LRRC49: variants seen among roughly 807,000 people sequenced by gnomAD.
LRRC49 encodes leucine-rich repeat-containing protein 49.
In LRRC49, 50 loss-of-function variants were observed where a neutral mutation model predicts 83.3. The ratio of observed to expected loss-of-function variants is 0.60; its 90% CI spans 0.48 to 0.76. LRRC49 has a LOEUF of 0.76. Ranked by LOEUF, LRRC49 falls within the 30% of genes least tolerant of loss-of-function variation. The pLI is 0.00. For missense variants in LRRC49, 704 were observed against 809.1 expected (o/e 0.87, Z 1.58); for synonymous variants, 286 against 283.3 (o/e 1.01, Z -0.10).
At chr15:70,998,316 T>G (rs1177535172) in intron 11 of LRRC49, among the ~76,000 whole-genome samples, 1 of 152,190 alleles carries the variant, frequency 6.6e-6, no homozygotes, top group Admixed American at 6.5e-5. Flanking sequence ...CCAACTAGTG[T>G]TCTTTAATTT....
rs375709748 is a variant in LRRC49, at chr15:71,012,878, C to G, written c.1668C>G (p.Pro556=). The G allele has an allele frequency of 2.5e-6, 4 of 1,612,538 alleles. No individual in the cohort carries two copies. In the African/African-American group the frequency reaches 5.3e-5, roughly 22 times the overall value. The change falls in exon 14 of 16, where the codon CCC becomes CCG. Residue 556 remains proline (P), a synonymous_variant. Coordinates refer to ENST00000260382, the MANE Select transcript of LRRC49 (RefSeq NM_017691.5). ...ILAHVASSEL[P]QYRLISILGD... ...CACATGTAGCATCTTCTGAGTTACC[C>G]CAGTATCGTCTGATTTCCATTCTGG...
chr15:70,965,730 A>C (rs1469280676), intron 9 of LRRC49, among the ~76,000 whole-genome samples: 1 of 152,102 alleles, frequency 6.6e-6, no homozygotes, highest in African/African-American at 2.4e-5. Context: ...TGCTTACTTT[A>C]GGATGATTTC....
intron 2 of LRRC49, chr15:70,894,843 G>A: frequency 5.4e-6 from 1 of 184,730 alleles, no homozygotes. Flanking sequence ...ATATGAAAAT[G>A]GTAAACACTC....
At chr15:70,989,652 A>G (rs2037782263) in intron 11 of LRRC49, among the ~76,000 whole-genome samples, 2 of 152,200 alleles carry the variant, frequency 1.3e-5, no homozygotes, top group South Asian at 4.1e-4. Flanking sequence ...TTCTCCGTCC[A>G]GCTTTGTTCC....
At chr15:70,984,389 G>C (rs2037518585) in intron 11 of LRRC49, 132 bp downstream of exon 11, 1 of 747,010 alleles carries the variant, frequency 1.3e-6, no homozygotes, top group Non-Finnish European at 2.1e-6. Context: ...TAGAAATTAA[G>C]ATGGAAAAGT....
intron 14 of LRRC49, among the ~76,000 whole-genome samples, chr15:71,033,354 A>G (rs2039419102): frequency 6.6e-6 from 1 of 152,218 alleles, no homozygotes; most frequent in Middle Eastern, 3.2e-3. Flanking sequence ...ATTTTCAAGA[A>G]GAACTACAAA....
At chr15:70,864,859 G>C (rs2032876971) in intron 1 of LRRC49, among the ~76,000 whole-genome samples, 1 of 152,142 alleles carries the variant, frequency 6.6e-6, no homozygotes, top group Non-Finnish European at 1.5e-5. Flanking sequence ...CTGTTCATCA[G>C]TCATCTGTGT....
At chr15:70,941,446 C>G (rs866404686) in intron 8 of LRRC49, among the ~76,000 whole-genome samples, 2 of 150,786 alleles carry the variant, frequency 1.3e-5, no homozygotes, top group Admixed American at 6.6e-5. Flanking sequence ...TTTCCACAAG[C>G]CTTGCAATTT....
chr15:70,948,495 G>GTTTTT (rs34256149), intron 8 of LRRC49, among the ~76,000 whole-genome samples: 1 of 140,740 alleles, frequency 7.1e-6, no homozygotes, highest in Non-Finnish European at 1.5e-5. Context: ...CATTAGCAAA[G>GTTTTT]TTTTTTTTTT....
chr15:71,047,957 G>A (rs1260106507), intron 15 of LRRC49, among the ~76,000 whole-genome samples: 2 of 151,812 alleles, frequency 1.3e-5, no homozygotes, highest in Non-Finnish European at 2.9e-5. Context: ...TATATTTTTA[G>A]TAGAGATGGG....
At position 70,927,814 on chromosome 15, in the gene LRRC49, A is replaced by AT. The variant is rs894728197; in HGVS notation, c.711+8628dup. On this transcript the variant is annotated intron_variant, in intron 7 of 15. Coordinates refer to ENST00000260382, the MANE Select transcript of LRRC49 (RefSeq NM_017691.5). ...AGGCACATGCCACCACACCTGGCTA[A>AT]TTTTTTTATTTTTTGTAGAGATGGG... is the stretch of plus-strand genomic sequence containing the variant. Among the ~76,000 whole-genome samples the AT allele has an allele frequency of 2.0e-5, 3 of 152,000 alleles. No individual in the cohort carries two copies. The East Asian group carries it at 5.8e-4, about 29-fold the overall frequency.
intron 7 of LRRC49, among the ~76,000 whole-genome samples, chr15:70,921,605 G>C (rs1470762882): frequency 6.6e-6 from 1 of 152,202 alleles, no homozygotes; most frequent in Non-Finnish European, 1.5e-5. Context: ...ATGGCATTCA[G>C]TCAGAAAGAA....
At chr15:70,909,926 C>A (rs2034484071) in intron 5 of LRRC49, among the ~76,000 whole-genome samples, 2 of 151,446 alleles carry the variant, frequency 1.3e-5, no homozygotes, top group Admixed American at 1.3e-4. Flanking sequence ...TCTGGTTGGG[C>A]TATTAATTTA....
At chr15:70,892,681 A>AGTG (rs2033632257), upstream of LRRC49, 15 of 1,451,784 alleles carry the variant, frequency 1.0e-5, no homozygotes, top group Non-Finnish European at 1.4e-5. Flanking sequence ...AGAACGAGGA[A>AGTG]GTGGTGACGC....
intron 7 of LRRC49, among the ~76,000 whole-genome samples, chr15:70,935,384 G>GA (rs1315718113): frequency 3.3e-5 from 5 of 152,072 alleles, no homozygotes; most frequent in Admixed American, 2.0e-4. Flanking sequence ...TTTGCTCCCT[G>GA]AAAAACCATT....
upstream of LRRC49, chr15:70,892,142 C>CA: frequency 1.9e-6 from 3 of 1,613,556 alleles, no homozygotes; most frequent in Middle Eastern, 1.7e-4. Context: ...GCCTCCGTAC[C>CA]AGTCGGCGCG....
At chr15:70,948,803 A>G (rs1042340439) in intron 8 of LRRC49, among the ~76,000 whole-genome samples, 2 of 152,082 alleles carry the variant, frequency 1.3e-5, no homozygotes, top group African/African-American at 4.8e-5. Flanking sequence ...TTGAGTTATC[A>G]TTGTTTCTGG....
chr15:70,892,120 C>T, upstream of LRRC49: 3 of 1,613,902 alleles, frequency 1.9e-6, no homozygotes, highest in Non-Finnish European at 2.5e-6. Context: ...AGCAGATGAC[C>T]GAGCGGTCAT....
intron 14 of LRRC49, among the ~76,000 whole-genome samples, chr15:71,036,891 A>T (rs1303276181): frequency 6.6e-6 from 1 of 152,106 alleles, no homozygotes; most frequent in Non-Finnish European, 1.5e-5. Context: ...GTGCTCTGTG[A>T]TTAATTTTTG....
Sources: allele counts gnomAD v4.1 joint callset (sites outside exome capture counted in the v4.1 genomes callset), GRCh38; gene constraint gnomAD v4.1.1; transcripts MANE v1.5; gene names NCBI Gene and HGNC (gene_info 2026-07-23, HGNC 2026-07-21).